The following TMEM209 variants were observed in gnomAD, a reference collection of about 807,000 sequenced individuals.
The protein encoded by TMEM209 is transmembrane protein 209.
In TMEM209, 65 loss-of-function variants were observed where a neutral mutation model predicts 76.2. The ratio of observed to expected loss-of-function variants is 0.85; its 90% CI spans 0.70 to 1.05. The LOEUF (loss-of-function observed/expected upper bound fraction) is 1.05. Ranked by LOEUF, TMEM209 falls within the 50% of genes least tolerant of loss-of-function variation. TMEM209 has a pLI of 0.00. For missense variants in TMEM209, 623 were observed against 685.5 expected (o/e 0.91, Z 1.02); for synonymous variants, 239 against 237.6 (o/e 1.01, Z -0.06).
chr7:130,167,158 T>C (rs1357882002), intron 14 of TMEM209, among the ~76,000 whole-genome samples: 1 of 152,102 alleles, frequency 6.6e-6, no homozygotes, highest in Non-Finnish European at 1.5e-5. Context: ...GAGTAATAAC[T>C]GAAGAAAAAG....
At chr7:130,181,847 T>A in intron 8 of TMEM209, 128 bp from the exon 9 acceptor site, 1 of 684,458 alleles carries the variant, frequency 1.5e-6, no homozygotes, top group Non-Finnish European at 2.4e-6. Flanking sequence ...AAAAGAATCA[T>A]AAAGTATAGT....
chr7:130,195,152 T>G (rs560101745), intron 5 of TMEM209, among the ~76,000 whole-genome samples: 1 of 152,192 alleles, frequency 6.6e-6, no homozygotes, highest in Non-Finnish European at 1.5e-5. Context: ...AATGAGTAAC[T>G]TGCATAAATC....
At chr7:130,172,363 G>T (rs901405762) in intron 13 of TMEM209, among the ~76,000 whole-genome samples, 1 of 151,810 alleles carries the variant, frequency 6.6e-6, no homozygotes, top group African/African-American at 2.4e-5. Context: ...ATTTTTTTGA[G>T]ACGGAGTCTT....
intron 6 of TMEM209, among the ~76,000 whole-genome samples, chr7:130,190,867 T>C (rs904053579): frequency 6.6e-6 from 1 of 151,878 alleles, no homozygotes; most frequent in Non-Finnish European, 1.5e-5. Flanking sequence ...CATGGTGGCA[T>C]GCATCTGTAG....
At chr7:130,185,101 T>C in intron 7 of TMEM209, 91 bp downstream of exon 7, 1 of 1,390,818 alleles carries the variant, frequency 7.2e-7, no homozygotes, top group Middle Eastern at 1.9e-4. Context: ...TCCAACAGAA[T>C]GGAAGATTAC....
At chr7:130,194,006 G>A (rs1374730774) in intron 5 of TMEM209, among the ~76,000 whole-genome samples, 2 of 151,864 alleles carry the variant, frequency 1.3e-5, no homozygotes, top group Non-Finnish European at 2.9e-5. Flanking sequence ...AGACCATCCT[G>A]GCTAACATGG....
rs994706951 is a variant in TMEM209 at position 130,164,739 on chromosome 7, T to C, written c.*1712A>G. On this transcript the variant is annotated 3_prime_UTR_variant, in exon 15 of 15. Transcript: ENST00000397622. ...GCATTGTTAAAATGTTTCTCCATGG[T>C]GCTTTTAATGAAGTATATGCAACTA... The C allele has an allele frequency of 3.9e-5, 6 of 152,204 alleles. No homozygotes were observed. Among genetic ancestry groups the C allele is most frequent in the African/African-American group, 4.8e-5 (2 of 41,468 alleles). 9.4% of individuals were successfully genotyped at this position (152,204 alleles called of 1,614,324 possible).
At chr7:130,173,976 T>G (rs1326132321) in intron 11 of TMEM209, 37 bp from the exon 12 acceptor site, 2 of 1,395,680 alleles carry the variant, frequency 1.4e-6, no homozygotes, top group Non-Finnish European at 1.0e-6. Flanking sequence ...TAAGTCAGCA[T>G]GAAAATCTAG....
In TMEM209 at chr7:130,202,010, C is replaced by A; in HGVS notation, c.413G>T (p.Ser138Ile). ...APPSPSIQGQ[S>I]VLSYSPSRSP... Reference sequence around the variant, plus strand: ...ACGAGAAGGGCTATAACTCAACACACTCTGACCCTGAATTGAAGGGGAAGG... The same window carrying A: ...ACGAGAAGGGCTATAACTCAACACAATCTGACCCTGAATTGAAGGGGAAGG... The change falls in exon 5 of 15, where the codon AGT (serine) becomes ATT (isoleucine). Residue 138 changes from serine (S) to isoleucine (I), a missense_variant. Coordinates refer to ENST00000397622, the MANE Select transcript of TMEM209 (RefSeq NM_032842.4). The A allele has an allele frequency of 6.2e-7, 1 of 1,613,744 alleles. No individual in the cohort carries two copies.
At chr7:130,177,632 A>G (rs1797281069) in intron 10 of TMEM209, among the ~76,000 whole-genome samples, 1 of 152,212 alleles carries the variant, frequency 6.6e-6, no homozygotes, top group African/African-American at 2.4e-5. Flanking sequence ...CAAACAATAC[A>G]GGAAGAAAGT....
At chr7:130,187,548 C>T (rs527572742) in intron 6 of TMEM209, among the ~76,000 whole-genome samples, 2 of 150,420 alleles carry the variant, frequency 1.3e-5, no homozygotes, top group Admixed American at 1.3e-4. Flanking sequence ...TGGTAGAGGA[C>T]CAGGAATCTC....
At chr7:130,203,591 A>C (rs1464172587) in intron 3 of TMEM209, among the ~76,000 whole-genome samples, 197 bp downstream of exon 3, 2 of 152,244 alleles carry the variant, frequency 1.3e-5, no homozygotes, top group African/African-American at 4.8e-5. Flanking sequence ...AAGTGTTATT[A>C]ATCTGATTGT....
chr7:130,194,124 G>A (rs1179736802), intron 5 of TMEM209, among the ~76,000 whole-genome samples: 2 of 151,778 alleles, frequency 1.3e-5, no homozygotes, highest in African/African-American at 4.8e-5. Flanking sequence ...GCAGGAATCC[G>A]GGAGGCGGAG....
At position 130,173,784 on chromosome 7, in the gene TMEM209, G is replaced by A. The variant is rs1252889944; in HGVS notation, c.1459+41C>T. The A allele has an allele frequency of 3.1e-6, 5 of 1,603,894 alleles. No individual in the cohort carries two copies. The South Asian group carries it at 5.5e-5, about 18-fold the overall frequency. On this transcript the variant is annotated intron_variant, in intron 12 of 14. Coordinates refer to ENST00000397622, the MANE Select transcript of TMEM209 (RefSeq NM_032842.4). ...AAAACCAAACCCCCAGAGATATTTT[G>A]TGTGAAAATCTCAACACATTCTTTT...
intron 5 of TMEM209, among the ~76,000 whole-genome samples, chr7:130,198,083 C>A (rs895622806): frequency 8.5e-5 from 13 of 152,280 alleles, no homozygotes; most frequent in Non-Finnish European, 1.8e-4. Context: ...TTCCTTCCCA[C>A]CCCAACTTTA....
At chr7:130,181,320 C>G (rs1201301621) in intron 9 of TMEM209, among the ~76,000 whole-genome samples, 1 of 152,104 alleles carries the variant, frequency 6.6e-6, no homozygotes, top group Non-Finnish European at 1.5e-5. Flanking sequence ...ATGTATAGAA[C>G]AGGGGGTGAC....
chr7:130,182,742 A>G (rs1330181276), intron 8 of TMEM209, among the ~76,000 whole-genome samples: 6 of 152,268 alleles, frequency 3.9e-5, no homozygotes, highest in African/African-American at 1.4e-4. Context: ...TAAAAGGATG[A>G]AAAAATGTTT....
At chr7:130,181,343 G>A (rs1797406513) in intron 9 of TMEM209, among the ~76,000 whole-genome samples, 1 of 152,196 alleles carries the variant, frequency 6.6e-6, no homozygotes, top group South Asian at 2.1e-4. Context: ...GTAAAAGGTG[G>A]AGAGTTTCTT....
At chr7:130,173,575 C>G in intron 13 of TMEM209, 57 bp downstream of exon 13, 1 of 1,317,490 alleles carries the variant, frequency 7.6e-7, no homozygotes, top group East Asian at 2.3e-5. Flanking sequence ...TTAAAAACAT[C>G]ATCCAAGCAA....
Sources: allele counts gnomAD v4.1 joint callset (sites outside exome capture counted in the v4.1 genomes callset), GRCh38; gene constraint gnomAD v4.1.1; transcripts MANE v1.5; gene names NCBI Gene and HGNC (gene_info 2026-07-23, HGNC 2026-07-21).